ANKRD26: variants seen among roughly 807,000 people sequenced by gnomAD.
ANKRD26 encodes ankyrin repeat domain 26.
Under a neutral mutation model 208.7 loss-of-function variants are expected in ANKRD26, and 141 were observed. That is an observed-to-expected ratio of 0.68 (90% CI 0.59 to 0.78). The LOEUF (loss-of-function observed/expected upper bound fraction) is 0.78, where lower values mean the gene tolerates loss of function less well. ANKRD26 is among the 30% of genes least tolerant of loss of function. The pLI is 0.00. For missense variants in ANKRD26, 1,889 were observed against 1,938.7 expected, an observed-to-expected ratio of 0.97 and a Z score of 0.48; for synonymous variants, 636 against 660.4, an observed-to-expected ratio of 0.96 and a Z score of 0.57.
chr10:27,081,780 C>T (rs2055913479), intron 6 of ANKRD26, among the ~76,000 whole-genome samples: 4 of 151,918 alleles, frequency 2.6e-5, no homozygotes, highest in Admixed American at 2.6e-4. Context: ...CTCTGTCACC[C>T]AGGCTGGAGT....
intron 4 of ANKRD26, among the ~76,000 whole-genome samples, chr10:27,091,666 C>T (rs1458396751): frequency 6.6e-6 from 1 of 152,050 alleles, no homozygotes; most frequent in East Asian, 1.9e-4. Flanking sequence ...TAGAACAATA[C>T]CATAAAAGGG....
At chr10:27,037,052 C>T in intron 23 of ANKRD26, 134 bp downstream of exon 23, 2 of 851,474 alleles carry the variant, frequency 2.3e-6, no homozygotes, top group Non-Finnish European at 3.5e-6. Flanking sequence ...ACTACCACTA[C>T]CCCAAGATAC....
the ANKRD26 span, among the ~76,000 whole-genome samples, chr10:26,959,642 C>CTTTTTT: frequency 7.3e-6 from 1 of 137,790 alleles, no homozygotes. Flanking sequence ...TTCGAATGCA[C>CTTTTTT]TTTTTTTTTT....
chr10:27,037,383 A>G, intron 22 of ANKRD26, 60 bp from the exon 23 acceptor site: 2 of 1,569,022 alleles, frequency 1.3e-6, no homozygotes, highest in East Asian at 2.2e-5. Context: ...AAGGTTAACA[A>G]GAGCAGAATT....
chr10:26,973,152 T>C (rs971668393), downstream of ANKRD26, among the ~76,000 whole-genome samples: 1 of 152,216 alleles, frequency 6.6e-6, no homozygotes. Flanking sequence ...CTATATCTAC[T>C]TTTTTGCATT....
At chr10:27,039,832 A>G (rs970638977) in intron 21 of ANKRD26, 133 bp downstream of exon 21, 105 of 747,366 alleles carry the variant, frequency 1.4e-4, no homozygotes, top group Non-Finnish European at 2.2e-4. Context: ...ATTATTTCCA[A>G]GAATTTCACA....
chr10:26,970,580 C>T (rs2052129007), downstream of ANKRD26, among the ~76,000 whole-genome samples: 1 of 152,168 alleles, frequency 6.6e-6, no homozygotes, highest in African/African-American at 2.4e-5. Flanking sequence ...CCCATACAGC[C>T]TGCAGAACCA....
chr10:26,985,848 C>T (rs1283540287), intron 3 of ANKRD26, among the ~76,000 whole-genome samples: 1 of 152,076 alleles, frequency 6.6e-6, no homozygotes, highest in African/African-American at 2.4e-5. Flanking sequence ...AAGCTTGGGT[C>T]AGGGACAAGG....
chr10:27,044,214 G>A, intron 18 of ANKRD26, 24 bp from the exon 19 acceptor site: 1 of 1,420,358 alleles, frequency 7.0e-7, no homozygotes, highest in Admixed American at 2.0e-5. Flanking sequence ...ATACCTTTCA[G>A]GCAAATAGTA....
At chr10:27,023,048 G>C (rs2053541551) in intron 28 of ANKRD26, among the ~76,000 whole-genome samples, 1 of 152,142 alleles carries the variant, frequency 6.6e-6, no homozygotes, top group South Asian at 2.1e-4. Flanking sequence ...ATCATACTTA[G>C]GCTGGACCAG....
chr10:27,018,628 A>AG (rs1410656304), intron 29 of ANKRD26, among the ~76,000 whole-genome samples: 2 of 152,162 alleles, frequency 1.3e-5, no homozygotes, highest in African/African-American at 4.8e-5. Flanking sequence ...TTGCATTCCA[A>AG]GGGGTAATAA....
chr10:27,030,046 T>C (rs985977289), intron 25 of ANKRD26, among the ~76,000 whole-genome samples: 2 of 152,240 alleles, frequency 1.3e-5, no homozygotes, highest in African/African-American at 4.8e-5. Flanking sequence ...CATAAAGTAC[T>C]TAGATGAGTA....
intron 27 of ANKRD26, among the ~76,000 whole-genome samples, chr10:27,027,873 T>G (rs2053718950): frequency 6.6e-6 from 1 of 152,222 alleles, no homozygotes; most frequent in Non-Finnish European, 1.5e-5. Context: ...TATAATGGCG[T>G]GAAACCATCA....
exon 6 of ANKRD26, among the ~76,000 whole-genome samples, chr10:26,975,115 G>A (rs1227210907): frequency 6.6e-6 from 1 of 152,194 alleles, no homozygotes; most frequent in African/African-American, 2.4e-5. Context: ...TTAACTAAAA[G>A]TGTATGTTAA....
chr10:26,965,853 T>C, the ANKRD26 span, among the ~76,000 whole-genome samples: 4 of 152,082 alleles, frequency 2.6e-5, no homozygotes, highest in African/African-American at 9.7e-5. Context: ...AAAGAAGATA[T>C]TTATGCAGCC....
intron 24 of ANKRD26, among the ~76,000 whole-genome samples, 172 bp downstream of exon 24, chr10:27,034,624 C>T (rs865948670): frequency 6.6e-6 from 1 of 152,096 alleles, no homozygotes. Flanking sequence ...AATATCTTTA[C>T]TCAAAGTAAA....
intron 1 of ANKRD26, among the ~76,000 whole-genome samples, chr10:27,096,624 G>A (rs1231569436): frequency 6.6e-6 from 1 of 151,820 alleles, no homozygotes; most frequent in Non-Finnish European, 1.5e-5. Flanking sequence ...AAAATAGCCA[G>A]GCATGGTGGT....
intron 17 of ANKRD26, among the ~76,000 whole-genome samples, chr10:27,047,725 A>ACTACTACTACTACTACTACTACTAC (rs1174510554): frequency 7.1e-6 from 1 of 140,094 alleles, no homozygotes; most frequent in African/African-American, 2.8e-5. Flanking sequence ...ACTACTACTA[A>ACTACTACTACTACTACTACTACTAC]TAATAATAAT....
the ANKRD26 span, among the ~76,000 whole-genome samples, chr10:26,956,289 A>G: frequency 6.6e-6 from 1 of 152,200 alleles, no homozygotes; most frequent in Non-Finnish European, 1.5e-5. Flanking sequence ...TGTGCTAGGA[A>G]AAACATTGTT....
Sources: allele counts gnomAD v4.1 joint callset (sites outside exome capture counted in the v4.1 genomes callset), GRCh38; gene constraint gnomAD v4.1.1; transcripts MANE v1.5; gene names NCBI Gene and HGNC (gene_info 2026-07-23, HGNC 2026-07-21).